Variants in PRSS12 observed in about 807,000 individuals in gnomAD.
The protein encoded by PRSS12 is neurotrypsin.
PRSS12 carries 85 observed loss-of-function variants against 104.4 expected under a neutral mutation model. The ratio of observed to expected loss-of-function variants is 0.81; its 90% confidence interval spans 0.68 to 0.98. The LOEUF is 0.98. Among genes scored for constraint, PRSS12 ranks in the 50% least tolerant of loss-of-function variants. The probability of loss-of-function intolerance (pLI) is 0.00; values close to 1 mark genes in which losing one functional copy is unlikely to be tolerated. For missense variants in PRSS12, 1,141 were observed against 1,139.2 expected, an observed-to-expected ratio of 1.00 and a Z score of -0.02; for synonymous variants, 454 against 425.2, an observed-to-expected ratio of 1.07 and a Z score of -0.83.
intron 7 of PRSS12, among the ~76,000 whole-genome samples, chr4:118,310,423 C>T (rs1743678721): frequency 6.6e-6 from 1 of 152,102 alleles, no homozygotes; most frequent in Admixed American, 6.5e-5. Flanking sequence ...ATTTCTGAAC[C>T]TAATTTTAGC....
chr4:118,295,723 CTA>C lies in PRSS12; in HGVS notation c.1916+53_1916+54del, dbSNP rs1743237309. 7 of 1,482,026 alleles carry C rather than the reference CTA, an allele frequency of 4.7e-6. No individual in the cohort carries two copies. The Admixed American group carries it at 1.0e-4, about 21-fold the overall frequency. The allele number at this position is 1,482,026 out of a possible 1,614,324, so 91.8% of individuals were successfully genotyped here. ...CAGAACATCCCCAGTTTGTAACACT[CTA>C]TGTATATAAATAATTCTGTAATATA... On this transcript the variant is annotated intron_variant, in intron 10 of 12. Transcript: ENST00000296498.
chr4:118,290,156 C>T (rs1326574859), intron 11 of PRSS12, among the ~76,000 whole-genome samples: 1 of 152,158 alleles, frequency 6.6e-6, no homozygotes, highest in Non-Finnish European at 1.5e-5. Context: ...CGATTACTGA[C>T]TTTAAGCAAT....
chr4:118,343,407 ACAAAAAC>A (rs1264808326), intron 1 of PRSS12, among the ~76,000 whole-genome samples: 2 of 152,130 alleles, frequency 1.3e-5, no homozygotes, highest in African/African-American at 4.8e-5. Context: ...AAAACAAAAA[ACAAAAAC>A]AAAAGCAAAA....
intron 12 of PRSS12, 57 bp from the exon 13 acceptor site, chr4:118,282,300 C>G (rs1229009821): frequency 6.3e-7 from 1 of 1,594,258 alleles, no homozygotes; most frequent in Non-Finnish European, 8.6e-7. Context: ...CAACATTTAA[C>G]AGTTACTGAG....
At position 118,283,002 on chromosome 4, in the gene PRSS12, C is replaced by G. The variant is rs754704006; in HGVS notation, c.2149G>C (p.Glu717Gln). The G allele has an allele frequency of 3.0e-5, 48 of 1,614,022 alleles. No individual in the cohort carries two copies. Among genetic ancestry groups the G allele is most frequent in the Non-Finnish European group, 3.7e-5 (44 of 1,180,028 alleles). ...IGVQQIVIHR[E>Q]YRPDRSDYDI... ...TAATCACTGCGGTCGGGTCGATACT[C>G]CCGATGAATCACAATCTGTTGAACT... The change falls in exon 12 of 13, where the codon GAG (glutamate) becomes CAG (glutamine). Residue 717 changes from glutamate to glutamine, a missense_variant. Coordinates refer to ENST00000296498, the MANE Select transcript of PRSS12 (RefSeq NM_003619.4).
chr4:118,350,708 G>A lies in PRSS12; in HGVS notation c.502+1511C>T, dbSNP rs547098492. On this transcript the variant is annotated intron_variant, in intron 1 of 12. Coordinates refer to ENST00000296498, the MANE Select transcript of PRSS12 (RefSeq NM_003619.4). ...GAGGTGGCAGGAAATCCAAGGACAA[G>A]TTACTCTCCATGTCTGAAACATAAG... 3.5e-5 allele frequency among the ~76,000 whole-genome samples: 5 copies of A among 144,192 alleles called. No homozygotes were observed. The South Asian group carries it at 1.2e-3, about 35-fold the overall frequency. 94.6% of individuals were successfully genotyped at this position (144,192 alleles called of 152,430 possible).
chr4:118,340,929 C>T (rs982516103), intron 1 of PRSS12, among the ~76,000 whole-genome samples: 4 of 152,158 alleles, frequency 2.6e-5, no homozygotes, highest in African/African-American at 4.8e-5. Context: ...TTCTTGGCCT[C>T]TTTGAGTTTT....
intron 4 of PRSS12, among the ~76,000 whole-genome samples, chr4:118,319,146 A>G (rs1437805759): frequency 6.6e-6 from 1 of 152,098 alleles, no homozygotes; most frequent in Admixed American, 6.6e-5. Context: ...TGCAACCTTT[A>G]ACTCCTAGGC....
chr4:118,305,684 A>C (rs1197729006), intron 8 of PRSS12, among the ~76,000 whole-genome samples: 1 of 152,140 alleles, frequency 6.6e-6, no homozygotes, highest in African/African-American at 2.4e-5. Context: ...CTATACCCTC[A>C]ACATATTTTG....
Position 118,331,596 on chromosome 4 carries a change from A to G in PRSS12, c.971+120T>C, listed in dbSNP as rs1723918019. 11 of 1,377,156 alleles carry G rather than the reference A, an allele frequency of 8.0e-6. No individual in the cohort carries two copies. The East Asian group carries it at 2.7e-4, about 34-fold the overall frequency. 85.3% of individuals were successfully genotyped at this position (1,377,156 alleles called of 1,614,324 possible). A position where few individuals can be genotyped will look rare whatever the true frequency, so the allele number is the denominator to read the frequency against. ...GCCTACAGCCCTACTACAAAGATCA[A>G]AAGGTAACTTGTCCCATTTGTTCAA... is the stretch of plus-strand genomic sequence containing the variant. On this transcript the variant is annotated intron_variant, in intron 4 of 12. Coordinates refer to ENST00000296498, the MANE Select transcript of PRSS12 (RefSeq NM_003619.4).
chr4:118,301,529 C>T (rs1337094482), intron 8 of PRSS12, among the ~76,000 whole-genome samples: 1 of 151,792 alleles, frequency 6.6e-6, no homozygotes, highest in Non-Finnish European at 1.5e-5. Context: ...CATATGCACA[C>T]CAAGAAAAAT....
At chr4:118,339,803 C>A (rs1338418789) in intron 1 of PRSS12, among the ~76,000 whole-genome samples, 1 of 152,166 alleles carries the variant, frequency 6.6e-6, no homozygotes, top group Non-Finnish European at 1.5e-5. Flanking sequence ...CACAAAATCT[C>A]TTCTACAGAG....
intron 8 of PRSS12, among the ~76,000 whole-genome samples, chr4:118,305,770 G>A (rs907390077): frequency 6.6e-6 from 1 of 151,956 alleles, no homozygotes; most frequent in African/African-American, 2.4e-5. Context: ...CATCTTGCAT[G>A]ACAGGAACTT....
chr4:118,340,795 A>T (rs182534101), intron 1 of PRSS12, among the ~76,000 whole-genome samples: 1 of 152,324 alleles, frequency 6.6e-6, no homozygotes, highest in Non-Finnish European at 1.5e-5. Flanking sequence ...GATACTGCCC[A>T]TTTTTATGTT....
At chr4:118,349,004 G>A (rs1724426092) in intron 1 of PRSS12, among the ~76,000 whole-genome samples, 1 of 151,932 alleles carries the variant, frequency 6.6e-6, no homozygotes, top group Non-Finnish European at 1.5e-5. Flanking sequence ...CAGGGCCCAG[G>A]TATCATGTTT....
chr4:118,289,636 A>G (rs1743087269), intron 11 of PRSS12, among the ~76,000 whole-genome samples: 1 of 152,224 alleles, frequency 6.6e-6, no homozygotes, highest in Admixed American at 6.5e-5. Flanking sequence ...TAAATCTAGG[A>G]AAACAAAATT....
rs761211207 is a variant in PRSS12 at position 118,335,507 on chromosome 4, C to A, written c.786G>T (p.Lys262Asn). ...AGCTACACGTGACAGCAGCTGCCAT[C>A]TTCTGAGGACACACCCCACCCTGCC... ...DIWQGGVCPQ[K>N]MAAAVTCSFS... Residue 262 changes from lysine (K) to asparagine (N), a missense_variant, in exon 3 of 13, where the codon AAG becomes AAT. Lys to Asn is a moderately conservative substitution (Grantham distance 94). Coordinates refer to ENST00000296498, the MANE Select transcript of PRSS12 (RefSeq NM_003619.4). 5.0e-6 allele frequency: 8 copies of A among 1,613,854 alleles called. No homozygotes were observed. The Admixed American group carries it at 1.2e-4, about 24-fold the overall frequency.
chr4:118,321,642 T>A (rs1723626956), intron 4 of PRSS12, among the ~76,000 whole-genome samples: 1 of 152,176 alleles, frequency 6.6e-6, no homozygotes, highest in Non-Finnish European at 1.5e-5. Context: ...CACGTACCCC[T>A]GACAGTTGAT....
At chr4:118,343,911 ATC>A (rs1423258309) in intron 1 of PRSS12, among the ~76,000 whole-genome samples, 1 of 152,250 alleles carries the variant, frequency 6.6e-6, no homozygotes, top group Admixed American at 6.5e-5. Context: ...TATTTTTAAA[ATC>A]TTTTTTTAAA....
Sources: gnomAD v4.1 joint callset for allele counts (sites outside exome capture counted in the v4.1 genomes callset) on GRCh38, gnomAD v4.1.1 for gene constraint, MANE v1.5 for transcripts, NCBI Gene and HGNC (gene_info 2026-07-23, HGNC 2026-07-21) for gene names.